Variants in NBAS observed in about 807,000 individuals in gnomAD.
NBAS encodes the protein NAG/BC035112 fusion.
NBAS carries 219 observed loss-of-function variants against 302.5 expected under a neutral mutation model. The observed-to-expected ratio is 0.72, with a 90% CI of 0.65 to 0.81. The LOEUF (loss-of-function observed/expected upper bound fraction) is 0.81, where lower values mean the gene tolerates loss of function less well. Among genes scored for constraint, NBAS ranks in the 30% least tolerant of loss-of-function variants. The probability of loss-of-function intolerance (pLI) is 0.00; values close to 1 mark genes in which losing one functional copy is unlikely to be tolerated. For missense variants in NBAS, 2,932 were observed against 2,841.6 expected, an observed-to-expected ratio of 1.03 and a Z score of -0.72; for synonymous variants, 1,118 against 1,021.6, an observed-to-expected ratio of 1.09 and a Z score of -1.80.
the NBAS span, among the ~76,000 whole-genome samples, chr2:15,011,784 G>A: frequency 5.9e-5 from 9 of 152,218 alleles, no homozygotes; most frequent in South Asian, 2.1e-4. Context: ...CCTAGGTTAC[G>A]GAGACACTCA....
rs569020364 is a variant in NBAS at position 15,526,684 on chromosome 2, T to C, written c.746+7859A>G. ...CTTCATTCAGAAACAATAATGTAGT[T>C]ATCCATCTCCAAACTGACTGCCACC... On this transcript the variant is annotated intron_variant, in intron 9 of 51. Coordinates refer to ENST00000281513, the MANE Select transcript of NBAS (RefSeq NM_015909.4). Among the ~76,000 whole-genome samples the C allele has an allele frequency of 3.7e-4, 56 of 152,280 alleles. 1 individual carries two copies. In the South Asian group the frequency reaches 0.011, roughly 30 times the overall value.
chr2:15,057,273 G>C, the NBAS span, among the ~76,000 whole-genome samples: 1 of 144,916 alleles, frequency 6.9e-6, no homozygotes. Context: ...TAACAATTGT[G>C]GCTTCATTGC....
the NBAS span, among the ~76,000 whole-genome samples, chr2:14,791,656 T>C: frequency 6.6e-6 from 1 of 151,686 alleles, no homozygotes; most frequent in East Asian, 1.9e-4. Context: ...ACAAAAAAAC[T>C]AGCCGGGGAT....
intron 50 of NBAS, among the ~76,000 whole-genome samples, chr2:15,181,568 C>T (rs555828413): frequency 2.4e-4 from 37 of 152,330 alleles, no homozygotes; most frequent in African/African-American, 7.5e-4. Flanking sequence ...CCACAAAACA[C>T]GTCATTTGAC....
intron 2 of NBAS, 30 bp from the exon 3 acceptor site, chr2:15,556,849 T>A: frequency 6.4e-7 from 1 of 1,550,564 alleles, no homozygotes; most frequent in Non-Finnish European, 8.9e-7. Context: ...CAAAGCCAAA[T>A]ATAAATCAGC....
At chr2:15,019,963 C>T in the NBAS span, among the ~76,000 whole-genome samples, 3 of 152,186 alleles carry the variant, frequency 2.0e-5, no homozygotes, top group Non-Finnish European at 4.4e-5. Flanking sequence ...AGCAGCCCAA[C>T]CTGACTAAGA....
At chr2:15,381,553 A>G (rs4668901) in intron 29 of NBAS, among the ~76,000 whole-genome samples, 94,165 of 152,060 alleles carry the variant, frequency 0.62, 29,964 homozygotes, top group Middle Eastern at 0.68. Flanking sequence ...ACTAACTCAA[A>G]TGTAATATAC....
intron 40 of NBAS, among the ~76,000 whole-genome samples, chr2:15,305,832 A>G (rs2148150836): frequency 6.6e-6 from 1 of 152,328 alleles, no homozygotes; most frequent in South Asian, 2.1e-4. Flanking sequence ...AGCATGGGGT[A>G]GGCAAACAGT....
At chr2:15,402,749 T>C (rs1309313970) in intron 25 of NBAS, among the ~76,000 whole-genome samples, 2 of 151,142 alleles carry the variant, frequency 1.3e-5, no homozygotes, top group African/African-American at 4.9e-5. Flanking sequence ...AACTACAGAG[T>C]GCTGACATTC....
intron 46 of NBAS, among the ~76,000 whole-genome samples, chr2:15,232,716 G>C (rs970672834): frequency 6.6e-6 from 1 of 152,320 alleles, no homozygotes; most frequent in Admixed American, 6.5e-5. Flanking sequence ...AAGGAGCTCA[G>C]TCTAATATAC....
the NBAS span, among the ~76,000 whole-genome samples, chr2:14,948,145 G>A: frequency 6.6e-6 from 1 of 152,136 alleles, no homozygotes; most frequent in Admixed American, 6.5e-5. Flanking sequence ...ATGAGTATCA[G>A]GTGTGATATT....
intron 30 of NBAS, among the ~76,000 whole-genome samples, chr2:15,375,091 A>G (rs1674670534): frequency 6.6e-6 from 1 of 152,244 alleles, no homozygotes; most frequent in East Asian, 1.9e-4. Context: ...TGAAGTTCAG[A>G]TAATTTCCAG....
intron 16 of NBAS, among the ~76,000 whole-genome samples, chr2:15,471,723 T>G (rs1679963454): frequency 6.6e-6 from 1 of 151,946 alleles, no homozygotes; most frequent in Non-Finnish European, 1.5e-5. Flanking sequence ...GTCATGAGAG[T>G]GGAGGCCCCA....
In NBAS at chr2:15,233,963, G is replaced by A. The variant is rs114088564; in HGVS notation, c.6146+582C>T. Among the ~76,000 whole-genome samples the A allele has an allele frequency of 1.4e-3, 207 of 152,278 alleles. 4 individuals are homozygous for A. Among genetic ancestry groups the A allele is most frequent in the African/African-American group, 4.6e-3 (193 of 41,560 alleles). ...CTTGATGCCTCATTATTTCCTGAGC[G>A]TCACTTCTGCCTCTTTTCTAATCCT... On this transcript the variant is annotated intron_variant, in intron 46 of 51. Transcript: ENST00000281513.
At chr2:15,559,282 G>A (rs1307500358) in intron 1 of NBAS, among the ~76,000 whole-genome samples, 1 of 152,104 alleles carries the variant, frequency 6.6e-6, no homozygotes, top group South Asian at 2.1e-4. Context: ...TATTGAGGCT[G>A]TAAGTTTTGC....
intron 50 of NBAS, among the ~76,000 whole-genome samples, chr2:15,186,085 TACACACAC>T (rs80317869): frequency 1.4e-4 from 20 of 147,316 alleles, no homozygotes; most frequent in Admixed American, 2.7e-4. Context: ...CATATATATA[TACACACAC>T]ACACACACAC....
intron 30 of NBAS, 124 bp downstream of exon 30, chr2:15,379,478 G>C: frequency 1.1e-6 from 1 of 934,372 alleles, no homozygotes; most frequent in Non-Finnish European, 1.7e-6. Context: ...AAATAACTGT[G>C]CCCCATATAG....
chr2:15,111,139 C>A, the NBAS span, among the ~76,000 whole-genome samples: 2 of 152,030 alleles, frequency 1.3e-5, no homozygotes. Context: ...AAGCTGAATT[C>A]TTTTCTACCA....
intron 21 of NBAS, among the ~76,000 whole-genome samples, chr2:15,436,832 G>C (rs988473181): frequency 3.3e-5 from 5 of 152,048 alleles, no homozygotes; most frequent in Admixed American, 2.0e-4. Context: ...CTCCTTCAAA[G>C]CTTTCATCGT....
Sources: allele counts gnomAD v4.1 joint callset (sites outside exome capture counted in the v4.1 genomes callset), GRCh38; gene constraint gnomAD v4.1.1; transcripts MANE v1.5; gene names NCBI Gene and HGNC (gene_info 2026-07-23, HGNC 2026-07-21).